Variants in LAMA3 observed in about 807,000 individuals in gnomAD.
The protein encoded by LAMA3 is laminin subunit alpha-3.
Under a neutral mutation model 402.0 loss-of-function variants are expected in LAMA3, and 281 were observed. The observed-to-expected ratio is 0.70, with a 90% CI of 0.63 to 0.77. The LOEUF is 0.77. Ranked by LOEUF, LAMA3 falls within the 30% of genes least tolerant of loss-of-function variation. LAMA3 has a pLI of 0.00. For synonymous variants in LAMA3, 1,431 were observed against 1,558.4 expected, an observed-to-expected ratio of 0.92 and a Z score of 1.93; for missense variants, 3,840 against 4,215.5, an observed-to-expected ratio of 0.91 and a Z score of 2.47.
chr18:23,954,837 A>G lies in LAMA3; in HGVS notation c.*189A>G. ...ATTCAGTGCTACATGTGTATTTTAT[A>G]TAAAAATCCCATTTCTTGAAGATAA... On this transcript the variant is annotated 3_prime_UTR_variant, in exon 75 of 75. Transcript: ENST00000313654. 4.9e-6 allele frequency: 3 copies of G among 611,016 alleles called. No individual in the cohort carries two copies. The allele number at this position is 611,016 out of a possible 1,614,324, so 37.8% of individuals were successfully genotyped here.
chr18:23,856,651 G>A (rs2064086978), intron 32 of LAMA3, among the ~76,000 whole-genome samples: 1 of 152,136 alleles, frequency 6.6e-6, no homozygotes, highest in African/African-American at 2.4e-5. Context: ...ATGGTTGAGG[G>A]TGGATGACTC....
chr18:23,699,986 G>A (rs577004753), intron 1 of LAMA3, among the ~76,000 whole-genome samples: 56 of 152,102 alleles, frequency 3.7e-4, no homozygotes, highest in Non-Finnish European at 7.4e-4. Context: ...ATTGATTCTC[G>A]CAAAATATAG....
chr18:23,874,389 C>T (rs1270223900), intron 38 of LAMA3, among the ~76,000 whole-genome samples: 2 of 152,208 alleles, frequency 1.3e-5, no homozygotes, highest in Non-Finnish European at 2.9e-5. Context: ...AATAACATTC[C>T]TTTCATACTT....
At chr18:23,925,030 G>A (rs1320635309) in intron 62 of LAMA3, among the ~76,000 whole-genome samples, 1 of 152,152 alleles carries the variant, frequency 6.6e-6, no homozygotes. Flanking sequence ...AACTGCCATT[G>A]GGCATGAGTC....
intron 38 of LAMA3, among the ~76,000 whole-genome samples, chr18:23,875,000 A>T (rs764334995): frequency 6.6e-6 from 1 of 152,120 alleles, no homozygotes; most frequent in African/African-American, 2.4e-5. Context: ...AGTAGCTGGG[A>T]CTATAGGCAT....
intron 11 of LAMA3, among the ~76,000 whole-genome samples, chr18:23,778,021 T>C (rs2062360352): frequency 6.6e-6 from 1 of 152,102 alleles, no homozygotes; most frequent in African/African-American, 2.4e-5. Context: ...AAAGGTGCAA[T>C]GGCAGGTAAT....
chr18:23,727,690 T>C (rs1310717914), intron 2 of LAMA3, among the ~76,000 whole-genome samples: 1 of 152,094 alleles, frequency 6.6e-6, no homozygotes, highest in Non-Finnish European at 1.5e-5. Context: ...GACCACACTT[T>C]GAGTAGTGCT....
At chr18:23,873,337 C>A in intron 38 of LAMA3, 1 of 889,166 alleles carries the variant, frequency 1.1e-6, no homozygotes, top group Non-Finnish European at 1.9e-6. Context: ...GATGGCCTCC[C>A]AGTCACCTTG....
rs1227828449 is a variant in LAMA3 at position 23,778,630 on chromosome 18, G to T, written c.1468+1011G>T. 2.6e-5 allele frequency among the ~76,000 whole-genome samples: 4 copies of T among 152,120 alleles called. No homozygotes were observed. In the East Asian group the frequency reaches 7.7e-4, roughly 29 times the overall value. On this transcript the variant is annotated intron_variant, in intron 11 of 74. Transcript: ENST00000313654. ...AGGGCACGCCTGCACCAAAGGAAGG[G>T]CACAGCACACGCACACAGCCCACGA...
chr18:23,813,628 C>T (rs2063120473), intron 14 of LAMA3, among the ~76,000 whole-genome samples: 1 of 149,306 alleles, frequency 6.7e-6, no homozygotes, highest in African/African-American at 2.5e-5. Context: ...ACTGCAACCT[C>T]CGCCTCCTGG....
Position 23,713,921 on chromosome 18 carries a change from G to A in LAMA3, c.296G>A (p.Gly99Asp). The change falls in exon 2 of 75, where the codon GGC becomes GAC. Residue 99 changes from glycine to aspartate, a missense_variant and splice_region_variant. Coordinates refer to ENST00000313654, the MANE Select transcript of LAMA3 (RefSeq NM_198129.4). Reference sequence around the variant, plus strand: ...AAAAACCCACTTTTTTTTTTTCAGGGCCAGTTCTGTGACTATTGCAATTCT... The same window carrying A: ...AAAAACCCACTTTTTTTTTTTCAGGACCAGTTCTGTGACTATTGCAATTCT... Reference protein sequence around the residue: ...TAPGSGHTIQGQFCDYCNSED... With the variant: ...TAPGSGHTIQDQFCDYCNSED... The A allele has an allele frequency of 6.2e-7, 1 of 1,608,940 alleles. No homozygotes were observed. Among genetic ancestry groups the A allele is most frequent in the South Asian group, 1.1e-5 (1 of 90,206 alleles).
chr18:23,935,027 T>C lies in LAMA3; in HGVS notation c.8862+1092T>C, dbSNP rs137965302. 5.9e-4 allele frequency among the ~76,000 whole-genome samples: 90 copies of C among 152,354 alleles called. No individual in the cohort carries two copies. In the East Asian group the frequency reaches 7.3e-3, roughly 12 times the overall value. ...CATCTTTAGAATTGCCCCATCAAAA[T>C]TGAAGTCATATATTCACTTTTTCAT... On this transcript the variant is annotated intron_variant, in intron 67 of 74. Transcript: ENST00000313654.
At chr18:23,953,494 A>G (rs2082998771) in intron 74 of LAMA3, among the ~76,000 whole-genome samples, 1 of 151,914 alleles carries the variant, frequency 6.6e-6, no homozygotes, top group Admixed American at 6.6e-5. Context: ...GGCACATGCC[A>G]CCACGCCTGG....
In LAMA3 at chr18:23,939,359, A is replaced by G. The variant is rs777764288; in HGVS notation, c.8999A>G (p.Lys3000Arg). The G allele has an allele frequency of 2.5e-6, 4 of 1,614,164 alleles. No homozygotes were observed. The highest frequency in any genetic ancestry group is 1.1e-5 in the South Asian group (1 of 91,076). ...GDIPTSHLLF[K>R]LPQELLKPRS... ...ATTCCCACCAGCCACTTGCTATTCAAGCTTCCTCAGGAGCTGCTGAAACCC... is the reference window on the plus strand; with the variant it reads ...ATTCCCACCAGCCACTTGCTATTCAGGCTTCCTCAGGAGCTGCTGAAACCC... Residue 3000 changes from lysine to arginine, a missense_variant, in exon 68 of 75, where the codon AAG becomes AGG. This residue lies in a region of LAMA3 where 840 missense variants were observed against 981.9 expected (regional missense o/e 0.86). Coordinates refer to ENST00000313654, the MANE Select transcript of LAMA3 (RefSeq NM_198129.4).
chr18:23,813,074 G>A lies in LAMA3; in HGVS notation c.1759G>A (p.Asp587Asn), dbSNP rs988372258. 2 of 1,610,098 alleles carry A rather than the reference G, an allele frequency of 1.2e-6. No individual in the cohort carries two copies. Among genetic ancestry groups the A allele is most frequent in the Non-Finnish European group, 1.7e-6 (2 of 1,176,414 alleles). The change falls in exon 14 of 75, where the codon GAC (aspartate) becomes AAC (asparagine). Residue 587 changes from aspartate (D) to asparagine (N), a missense_variant. Physicochemically the swap from Asp to Asn is conservative, Grantham distance 23. This residue lies in a region of LAMA3 where 2,109 missense variants were observed against 2,376.0 expected (regional missense o/e 0.89). Transcript: ENST00000313654. ...ATATTCAGGTTCCAGCAGTGCTTGT[G>A]ACCCAGCTGGTACCATCAACTCCAA... ...PHCQGSSSAC[D>N]PAGTINSNLG...
intron 41 of LAMA3, among the ~76,000 whole-genome samples, chr18:23,889,528 C>T (rs922566433): frequency 6.7e-6 from 1 of 150,010 alleles, no homozygotes; most frequent in Admixed American, 6.7e-5. Context: ...TGCCATTGTA[C>T]TCCAGCCTGG....
In LAMA3 at chr18:23,819,776, T is replaced by C. The variant is rs1306141400; in HGVS notation, c.2148-65T>C. 5.0e-6 allele frequency: 7 copies of C among 1,387,184 alleles called. No homozygotes were observed. The East Asian group carries it at 1.1e-4, about 23-fold the overall frequency. 85.9% of individuals were successfully genotyped at this position (1,387,184 alleles called of 1,614,324 possible). ...GTTCTTTCATAGTAACTATTGTGAT[T>C]AAAAGATGTTCAGATGATCTATGGA... On this transcript the variant is annotated intron_variant, in intron 18 of 74. Transcript: ENST00000313654.
chr18:23,858,570 GT>G, intron 33 of LAMA3, 118 bp from the exon 34 acceptor site: 1 of 920,802 alleles, frequency 1.1e-6, no homozygotes, highest in Non-Finnish European at 1.8e-6. Context: ...CTCTTTTAAT[GT>G]TTTGCTCACA....
intron 2 of LAMA3, among the ~76,000 whole-genome samples, chr18:23,737,945 G>A (rs2061502633): frequency 6.6e-6 from 1 of 152,228 alleles, no homozygotes; most frequent in Non-Finnish European, 1.5e-5. Context: ...CAGGCTCCAG[G>A]GGGCTGGGGT....
Sources: gnomAD v4.1 joint callset for allele counts (sites outside exome capture counted in the v4.1 genomes callset) on GRCh38, gnomAD v4.1.1 for gene constraint, gnomAD v4.1.1 regional missense constraint, MANE v1.5 for transcripts, NCBI Gene and HGNC (gene_info 2026-07-23, HGNC 2026-07-21) for gene names.